The following SV2B variants were observed in gnomAD, a reference collection of about 807,000 sequenced individuals.
SV2B encodes synaptic vesicle glycoprotein 2B, also known as solute carrier family 22 member B2.
In SV2B, 41 loss-of-function variants were observed where a neutral mutation model predicts 73.9. The ratio of observed to expected loss-of-function variants is 0.56; its 90% CI spans 0.43 to 0.72. The LOEUF is 0.72. Ranked by LOEUF, SV2B falls within the 30% of genes least tolerant of loss-of-function variation. SV2B has a pLI of 0.00. For missense variants in SV2B, 764 were observed against 857.8 expected, an observed-to-expected ratio of 0.89 and a Z score of 1.37; for synonymous variants, 314 against 314.2, an observed-to-expected ratio of 1.00 and a Z score of 0.01.
intron 1 of SV2B, among the ~76,000 whole-genome samples, chr15:91,216,722 C>T (rs2046040100): frequency 6.6e-6 from 1 of 151,448 alleles, no homozygotes; most frequent in Non-Finnish European, 1.5e-5. Context: ...CTGCCCGCCT[C>T]GGCCTCCCAA....
chr15:91,212,436 G>T (rs1336683852), intron 1 of SV2B, among the ~76,000 whole-genome samples: 1 of 152,098 alleles, frequency 6.6e-6, no homozygotes, highest in East Asian at 1.9e-4. Flanking sequence ...TCCTGCTAGA[G>T]TCACTGGCCC....
At chr15:91,107,563 G>A (rs2041921553) in intron 1 of SV2B, among the ~76,000 whole-genome samples, 1 of 151,840 alleles carries the variant, frequency 6.6e-6, no homozygotes, top group African/African-American at 2.4e-5. Flanking sequence ...TGCCCGCCTT[G>A]GCCTCCCAAA....
chr15:91,132,506 G>T lies in SV2B; in HGVS notation c.-392+32143G>T, dbSNP rs1375121449. 1.3e-5 allele frequency among the ~76,000 whole-genome samples: 2 copies of T among 152,194 alleles called. No homozygotes were observed. The highest frequency in any genetic ancestry group is 2.9e-5 in the Non-Finnish European group (2 of 68,036). ...AAGTTACAAAGTTGCAAACGAAGACGGGACCCTCATTCAGTCTGATTTATT... is the reference window on the plus strand; with the variant it reads ...AAGTTACAAAGTTGCAAACGAAGACTGGACCCTCATTCAGTCTGATTTATT... On this transcript the variant is annotated intron_variant, in intron 1 of 12. Coordinates refer to ENST00000394232, the MANE Select transcript of SV2B (RefSeq NM_001323032.3). This position sits in a 1 kb window ranked among gnomAD's most constrained non-coding sequence, Gnocchi z 4.6.
chr15:91,258,849 T>C lies in SV2B; in HGVS notation c.918+295T>C, dbSNP rs2141644470. 6.7e-6 allele frequency among the ~76,000 whole-genome samples: 1 copy of C among 149,796 alleles called. No homozygotes were observed. Among genetic ancestry groups the C allele is most frequent in the East Asian group, 2.0e-4 (1 of 5,050 alleles). On this transcript the variant is annotated intron_variant, in intron 5 of 12. Transcript: ENST00000394232. This position sits in a 1 kb window ranked among gnomAD's most constrained non-coding sequence, Gnocchi z 4.7. ...GAAGGGCAGCTCCTGAGCTGCCTCA[T>C]GGCACCCACTGTCCCCCGAGGTCCT...
chr15:91,206,966 T>C (rs1023817701), intron 1 of SV2B, among the ~76,000 whole-genome samples: 3 of 151,384 alleles, frequency 2.0e-5, no homozygotes, highest in Non-Finnish European at 4.4e-5. Flanking sequence ...CTTGAGAGAG[T>C]GAGAAGGGAG....
intron 9 of SV2B, among the ~76,000 whole-genome samples, chr15:91,279,999 T>C (rs924245617): frequency 6.6e-6 from 1 of 152,224 alleles, no homozygotes; most frequent in African/African-American, 2.4e-5. Context: ...CCAATGATTC[T>C]CAAATTTCTT....
In SV2B at chr15:91,289,434, G is replaced by T. The variant is rs1238097618; in HGVS notation, c.1709-87G>T. ...CTTGGCTTCAGGTGTACCAGTGAGGGTGGGAGATGGGGCAAGAACTGTGAG... is the reference window on the plus strand; with the variant it reads ...CTTGGCTTCAGGTGTACCAGTGAGGTTGGGAGATGGGGCAAGAACTGTGAG... On this transcript the variant is annotated intron_variant, in intron 11 of 12. Transcript: ENST00000394232. The surrounding 1 kb of genome is among the most constrained non-coding windows in gnomAD (Gnocchi z 4.9). 2 of 1,550,406 alleles carry T rather than the reference G, an allele frequency of 1.3e-6. No homozygotes were observed. Among genetic ancestry groups the T allele is most frequent in the South Asian group, 2.2e-5 (2 of 89,032 alleles).
At chr15:91,273,125 G>A (rs1042440147) in intron 9 of SV2B, among the ~76,000 whole-genome samples, 2 of 152,054 alleles carry the variant, frequency 1.3e-5, no homozygotes, top group African/African-American at 4.8e-5. Flanking sequence ...GAGCCACCAC[G>A]CCTGGCTCTA....
chr15:91,143,164 G>A (rs995092297), intron 1 of SV2B, among the ~76,000 whole-genome samples: 1 of 152,052 alleles, frequency 6.6e-6, no homozygotes, highest in Admixed American at 6.6e-5. Context: ...GGACGGCTTG[G>A]TTGGGGTGTC....
At chr15:91,187,759 T>C (rs1200764181) in intron 1 of SV2B, among the ~76,000 whole-genome samples, 3 of 152,206 alleles carry the variant, frequency 2.0e-5, no homozygotes, top group Non-Finnish European at 2.9e-5. Flanking sequence ...CATAATTAAC[T>C]GAATATTTTT....
At position 91,139,221 on chromosome 15, in the gene SV2B, G is replaced by A. The variant is rs918860994; in HGVS notation, c.-392+38858G>A. Among the ~76,000 whole-genome samples, 7 of 152,240 alleles carry A rather than the reference G, an allele frequency of 4.6e-5. No individual in the cohort carries two copies. Among genetic ancestry groups the A allele is most frequent in the Admixed American group, 2.0e-4 (3 of 15,296 alleles). ...GGGAAGGAGGTTGGAGAACTGGGTA[G>A]GGGTATAGATGATATGAGATTGGAA... On this transcript the variant is annotated intron_variant, in intron 1 of 12. Transcript: ENST00000394232. This position sits in a 1 kb window ranked among gnomAD's most constrained non-coding sequence, Gnocchi z 5.2.
Position 91,267,739 on chromosome 15 carries a change from A to G in SV2B, c.1208+96A>G, listed in dbSNP as rs150152401. ...CAGTGAGTTCTGACTTAGAATTTGTATCAGGTAGGATGCTTTGGTGGCAAG... is the reference window on the plus strand; with the variant it reads ...CAGTGAGTTCTGACTTAGAATTTGTGTCAGGTAGGATGCTTTGGTGGCAAG... On this transcript the variant is annotated intron_variant, in intron 8 of 12. Coordinates refer to ENST00000394232, the MANE Select transcript of SV2B (RefSeq NM_001323032.3). This position sits in a 1 kb window ranked among gnomAD's most constrained non-coding sequence, Gnocchi z 4.3. 2 of 1,013,262 alleles carry G rather than the reference A, an allele frequency of 2.0e-6. No homozygotes were observed. The highest frequency in any genetic ancestry group is 1.6e-5 in the African/African-American group (1 of 62,452). The allele number at this position is 1,013,262 out of a possible 1,614,324, so 62.8% of individuals were successfully genotyped here. A position where few individuals can be genotyped will look rare whatever the true frequency, so the allele number is the denominator to read the frequency against.
intron 1 of SV2B, among the ~76,000 whole-genome samples, chr15:91,145,082 C>G (rs1179310597): frequency 6.6e-6 from 1 of 151,878 alleles, no homozygotes; most frequent in Admixed American, 6.6e-5. Context: ...ATTTCATCAC[C>G]CAGGTTATTG....
intron 6 of SV2B, among the ~76,000 whole-genome samples, chr15:91,264,734 A>G (rs564828623): frequency 5.8e-4 from 88 of 152,328 alleles, no homozygotes; most frequent in African/African-American, 2.1e-3. Context: ...TTTCAGACAC[A>G]AAAGCCTTTT....
At chr15:91,148,037 G>C (rs1245739548) in intron 1 of SV2B, among the ~76,000 whole-genome samples, 2 of 136,820 alleles carry the variant, frequency 1.5e-5, no homozygotes, top group Non-Finnish European at 3.0e-5. Context: ...CTGGAGTGCA[G>C]TGGTGCAATC....
intron 1 of SV2B, among the ~76,000 whole-genome samples, chr15:91,203,754 T>C (rs766043183): frequency 6.6e-5 from 10 of 152,160 alleles, no homozygotes; most frequent in Non-Finnish European, 1.3e-4. Flanking sequence ...CGGGGGACTT[T>C]TGTCAAGTTC....
At chr15:91,138,710 T>C (rs928647264) in intron 1 of SV2B, among the ~76,000 whole-genome samples, 5 of 152,220 alleles carry the variant, frequency 3.3e-5, no homozygotes, top group African/African-American at 1.2e-4. Context: ...ATTTAAAGTA[T>C]ACAGGAAGAC....
chr15:91,134,996 T>A (rs1342776514), intron 1 of SV2B, among the ~76,000 whole-genome samples: 1 of 39,428 alleles, frequency 2.5e-5, no homozygotes, highest in African/African-American at 5.2e-5. Context: ...TTTCTCAACC[T>A]TTTTTTTTTT....
chr15:91,246,268 G>A (rs1212927484), intron 2 of SV2B, among the ~76,000 whole-genome samples: 2 of 151,810 alleles, frequency 1.3e-5, no homozygotes, highest in Admixed American at 6.6e-5. Flanking sequence ...GTATATGATT[G>A]GCTTGTTTTT....
Sources: allele counts gnomAD v4.1 joint callset (sites outside exome capture counted in the v4.1 genomes callset), GRCh38; gene constraint gnomAD v4.1.1; non-coding constraint Gnocchi (gnomAD v3.1); transcripts MANE v1.5; gene names NCBI Gene and HGNC (gene_info 2026-07-23, HGNC 2026-07-21).